Variants in RBMS3 observed in about 807,000 individuals in gnomAD.
RBMS3 encodes the protein RNA-binding motif, single-stranded-interacting protein 3.
Under a neutral mutation model 66.8 loss-of-function variants are expected in RBMS3, and 27 were observed. The ratio of observed to expected loss-of-function variants is 0.40; its 90% confidence interval spans 0.30 to 0.56. The LOEUF is 0.56. Ranked by LOEUF, RBMS3 falls within the 20% of genes least tolerant of loss-of-function variation. The pLI is 0.40. For synonymous variants in RBMS3, 188 were observed against 183.0 expected, an observed-to-expected ratio of 1.03 and a Z score of -0.22; for missense variants, 513 against 549.5, an observed-to-expected ratio of 0.93 and a Z score of 0.66.
intron 10 of RBMS3, among the ~76,000 whole-genome samples, chr3:29,925,713 C>T (rs527764011): frequency 7.2e-4 from 109 of 152,216 alleles, no homozygotes; most frequent in Non-Finnish European, 1.1e-3. Flanking sequence ...CAAAGTTTAT[C>T]GTGAATATAA....
chr3:29,716,810 CTT>C (rs1026006872), intron 4 of RBMS3, among the ~76,000 whole-genome samples: 6 of 152,200 alleles, frequency 3.9e-5, no homozygotes, highest in African/African-American at 1.2e-4. Flanking sequence ...TTTGTGGAAA[CTT>C]AGTTAATAGT....
At chr3:29,317,554 A>G (rs1414336839) in intron 1 of RBMS3, among the ~76,000 whole-genome samples, 1 of 151,826 alleles carries the variant, frequency 6.6e-6, no homozygotes, top group African/African-American at 2.4e-5. Context: ...TGGAAAAGAC[A>G]AGAATTAATA....
At chr3:29,847,305 A>G (rs944180433) in intron 6 of RBMS3, among the ~76,000 whole-genome samples, 1 of 152,244 alleles carries the variant, frequency 6.6e-6, no homozygotes, top group Non-Finnish European at 1.5e-5. Flanking sequence ...GTTTACATAT[A>G]ACTTCTGCAA....
chr3:29,912,537 G>T (rs1397240425), intron 10 of RBMS3, among the ~76,000 whole-genome samples: 1 of 152,060 alleles, frequency 6.6e-6, no homozygotes, highest in Non-Finnish European at 1.5e-5. Context: ...TTCAGTTGCA[G>T]ATTTGTTTAT....
At chr3:29,344,244 T>C (rs886292093) in intron 1 of RBMS3, among the ~76,000 whole-genome samples, 1 of 152,182 alleles carries the variant, frequency 6.6e-6, no homozygotes, top group Non-Finnish European at 1.5e-5. Context: ...TATTCATCCA[T>C]TATTTGTAAA....
At chr3:29,853,177 GGA>G (rs1373806574) in intron 6 of RBMS3, among the ~76,000 whole-genome samples, 1 of 152,014 alleles carries the variant, frequency 6.6e-6, no homozygotes, top group Non-Finnish European at 1.5e-5. Flanking sequence ...GTGGGAGGAG[GGA>G]GAGGATTAGG....
intron 6 of RBMS3, among the ~76,000 whole-genome samples, chr3:29,805,236 T>C (rs1302423560): frequency 6.6e-6 from 1 of 152,026 alleles, no homozygotes; most frequent in East Asian, 1.9e-4. Context: ...TTACATGTTA[T>C]TGGTGATGCT....
At chr3:29,991,999 G>A (rs1473917081) in intron 14 of RBMS3, among the ~76,000 whole-genome samples, 1 of 152,038 alleles carries the variant, frequency 6.6e-6, no homozygotes, top group Non-Finnish European at 1.5e-5. Flanking sequence ...GTAAACATTT[G>A]GCAAACTTTG....
chr3:29,897,072 C>CA (rs2060138713), intron 8 of RBMS3, among the ~76,000 whole-genome samples: 1 of 151,512 alleles, frequency 6.6e-6, no homozygotes, highest in Non-Finnish European at 1.5e-5. Context: ...GTCTTTCTTT[C>CA]AAAGCCTTTT....
At chr3:29,762,380 A>G (rs1173970210) in intron 5 of RBMS3, among the ~76,000 whole-genome samples, 1 of 152,278 alleles carries the variant, frequency 6.6e-6, no homozygotes, top group East Asian at 1.9e-4. Flanking sequence ...AGCCATGCAA[A>G]TAAAACACAT....
intron 1 of RBMS3, among the ~76,000 whole-genome samples, chr3:29,394,075 A>C (rs1012150791): frequency 6.6e-6 from 1 of 152,148 alleles, no homozygotes; most frequent in Non-Finnish European, 1.5e-5. Context: ...TCCTAATCCT[A>C]GCAAGCCTGA....
intron 6 of RBMS3, among the ~76,000 whole-genome samples, chr3:29,858,206 T>G (rs1219515067): frequency 6.6e-6 from 1 of 152,216 alleles, no homozygotes; most frequent in African/African-American, 2.4e-5. Flanking sequence ...TTTTCCATTT[T>G]TTAATTCATT....
chr3:29,303,241 G>C (rs936399218), intron 1 of RBMS3, among the ~76,000 whole-genome samples: 1 of 152,054 alleles, frequency 6.6e-6, no homozygotes, highest in Non-Finnish European at 1.5e-5. Flanking sequence ...CCCTTTCATT[G>C]TGAAGTTGAG....
At chr3:29,877,808 C>T (rs1322107189) in intron 7 of RBMS3, among the ~76,000 whole-genome samples, 1 of 152,154 alleles carries the variant, frequency 6.6e-6, no homozygotes, top group Non-Finnish European at 1.5e-5. Flanking sequence ...CTGCTCATAT[C>T]CCCTTTCAGC....
chr3:29,550,131 G>A (rs1174599173), intron 3 of RBMS3, among the ~76,000 whole-genome samples: 2 of 152,134 alleles, frequency 1.3e-5, no homozygotes, highest in African/African-American at 4.8e-5. Context: ...CCAACATTAA[G>A]CTCCATTGGT....
At chr3:29,321,948 A>AT (rs772221847) in intron 1 of RBMS3, among the ~76,000 whole-genome samples, 6,040 of 152,158 alleles carry the variant, frequency 0.04, 150 homozygotes, top group South Asian at 0.068. Flanking sequence ...TAATTCAATG[A>AT]TTTTTCAAAA....
chr3:29,501,792 A>T (rs1217424997), intron 3 of RBMS3, among the ~76,000 whole-genome samples: 2 of 152,160 alleles, frequency 1.3e-5, no homozygotes, highest in Non-Finnish European at 2.9e-5. Flanking sequence ...AAAAGAGGGG[A>T]AAGTCAATCC....
At chr3:29,701,667 G>C (rs758173816) in intron 4 of RBMS3, among the ~76,000 whole-genome samples, 1 of 152,104 alleles carries the variant, frequency 6.6e-6, no homozygotes, top group Non-Finnish European at 1.5e-5. Context: ...GCCCGCACTC[G>C]GAGAGGCTGG....
At chr3:29,578,441 T>A (rs777036058) in intron 3 of RBMS3, among the ~76,000 whole-genome samples, 7 of 152,190 alleles carry the variant, frequency 4.6e-5, no homozygotes, top group Non-Finnish European at 8.8e-5. Context: ...AGAAAAGTAA[T>A]CTGGAGTATA....
Sources: gnomAD v4.1 joint callset for allele counts (sites outside exome capture counted in the v4.1 genomes callset) on GRCh38, gnomAD v4.1.1 for gene constraint, MANE v1.5 for transcripts, NCBI Gene and HGNC (gene_info 2026-07-23, HGNC 2026-07-21) for gene names.